Variants in GRID1 observed in about 807,000 individuals in gnomAD.
GRID1 encodes the protein glutamate ionotropic receptor delta type subunit 1.
Under a neutral mutation model 98.0 loss-of-function variants are expected in GRID1, and 28 were observed. That is an observed-to-expected ratio of 0.29 (90% CI 0.21 to 0.39). The LOEUF (loss-of-function observed/expected upper bound fraction) is 0.39, where lower values mean the gene tolerates loss of function less well. Among genes scored for constraint, GRID1 ranks in the 10% least tolerant of loss-of-function variants. The probability of loss-of-function intolerance (pLI) is 1.00; values close to 1 mark genes in which losing one functional copy is unlikely to be tolerated. For missense variants in GRID1, 1,111 were observed against 1,340.5 expected, an observed-to-expected ratio of 0.83 and a Z score of 2.67; for synonymous variants, 553 against 538.5, an observed-to-expected ratio of 1.03 and a Z score of -0.37.
chr10:85,724,002 C>T (rs890132569), intron 11 of GRID1, among the ~76,000 whole-genome samples: 4 of 151,930 alleles, frequency 2.6e-5, no homozygotes, highest in Non-Finnish European at 4.4e-5. Context: ...TTTTTTTTCC[C>T]CATTAAGTCA....
At chr10:86,236,114 T>C (rs1322709587) in intron 2 of GRID1, among the ~76,000 whole-genome samples, 1 of 152,224 alleles carries the variant, frequency 6.6e-6, no homozygotes, top group Admixed American at 6.5e-5. Flanking sequence ...TCTGATTATG[T>C]TTTGATTTGC....
intron 12 of GRID1, among the ~76,000 whole-genome samples, chr10:85,685,086 T>C (rs530997587): frequency 6.6e-6 from 1 of 152,274 alleles, no homozygotes; most frequent in South Asian, 2.1e-4. Context: ...GTACTGGAGG[T>C]ATTATTTCTT....
chr10:86,244,414 G>A (rs1051916508), intron 2 of GRID1, among the ~76,000 whole-genome samples: 7 of 152,246 alleles, frequency 4.6e-5, no homozygotes, highest in South Asian at 2.1e-4. Flanking sequence ...TAAGAGACAC[G>A]TGGATCTGAT....
At chr10:85,683,891 C>T (rs1431864038) in intron 12 of GRID1, among the ~76,000 whole-genome samples, 1 of 152,118 alleles carries the variant, frequency 6.6e-6, no homozygotes, top group Non-Finnish European at 1.5e-5. Context: ...AACTGCTCAT[C>T]TATTTTCTCT....
Position 86,365,296 on chromosome 10 carries a change from C to G in GRID1, c.79+1018G>C, listed in dbSNP as rs1848659824. Among the ~76,000 whole-genome samples the G allele has an allele frequency of 6.6e-6, 1 of 151,810 alleles. No individual in the cohort carries two copies. Among genetic ancestry groups the G allele is most frequent in the South Asian group, 2.1e-4 (1 of 4,796 alleles). On this transcript the variant is annotated intron_variant, in intron 1 of 15. Transcript: ENST00000327946. This position sits in a 1 kb window ranked among gnomAD's most constrained non-coding sequence, Gnocchi z 4.8. ...CCTCGCCTTCAACACCTCCCAACCC[C>G]CAGTTTCCCTGTGCTCGCTGGTCTT... is the stretch of plus-strand genomic sequence containing the variant.
intron 8 of GRID1, among the ~76,000 whole-genome samples, chr10:85,844,500 A>T (rs1284427213): frequency 1.3e-5 from 2 of 151,692 alleles, no homozygotes; most frequent in African/African-American, 2.4e-5. Flanking sequence ...TCTGAATGAG[A>T]TCCATAGCTT....
chr10:85,868,625 A>G (rs1318515514), intron 6 of GRID1, among the ~76,000 whole-genome samples: 1 of 152,192 alleles, frequency 6.6e-6, no homozygotes, highest in East Asian at 1.9e-4. Flanking sequence ...GGTCGTGTCT[A>G]TATTAACAAG....
At chr10:85,635,449 G>A (rs1398015362) in intron 13 of GRID1, among the ~76,000 whole-genome samples, 2 of 152,088 alleles carry the variant, frequency 1.3e-5, no homozygotes, top group Non-Finnish European at 2.9e-5. Context: ...TACTGCAAGT[G>A]GACCCCAGCA....
At chr10:85,998,796 AAAGT>A (rs1260628977) in intron 4 of GRID1, among the ~76,000 whole-genome samples, 1 of 152,248 alleles carries the variant, frequency 6.6e-6, no homozygotes, top group African/African-American at 2.4e-5. Context: ...CAATTTTAGA[AAAGT>A]AAGATAAAAC....
chr10:86,210,232 A>T (rs906470147), intron 2 of GRID1, among the ~76,000 whole-genome samples: 4 of 152,188 alleles, frequency 2.6e-5, no homozygotes, highest in African/African-American at 7.2e-5. Flanking sequence ...GCAGAGTGAC[A>T]AAGACATATA....
At chr10:86,148,673 AGCC>A (rs1845120081) in intron 3 of GRID1, among the ~76,000 whole-genome samples, 1 of 152,254 alleles carries the variant, frequency 6.6e-6, no homozygotes, top group Non-Finnish European at 1.5e-5. Flanking sequence ...ACCTTGAGTT[AGCC>A]ATTCCACAAT....
At chr10:85,891,932 T>G (rs144400623) in intron 5 of GRID1, among the ~76,000 whole-genome samples, 1 of 151,700 alleles carries the variant, frequency 6.6e-6, no homozygotes, top group Non-Finnish European at 1.5e-5. Context: ...CACCCAGAAA[T>G]AATGCAGATG....
At chr10:86,355,195 T>C (rs968558516) in intron 2 of GRID1, among the ~76,000 whole-genome samples, 19 of 152,208 alleles carry the variant, frequency 1.2e-4, no homozygotes, top group African/African-American at 4.6e-4. Flanking sequence ...GAAACCGAGG[T>C]TGCCCACCCA....
intron 2 of GRID1, among the ~76,000 whole-genome samples, chr10:86,334,211 C>T (rs972722257): frequency 6.6e-6 from 1 of 152,106 alleles, no homozygotes; most frequent in South Asian, 2.1e-4. Context: ...GAGCATAGCA[C>T]CTGCTCACAT....
At chr10:85,816,708 A>C (rs1201135573) in intron 8 of GRID1, among the ~76,000 whole-genome samples, 1 of 152,056 alleles carries the variant, frequency 6.6e-6, no homozygotes, top group African/African-American at 2.4e-5. Flanking sequence ...TTATTATTTT[A>C]ACGTTTATTT....
chr10:85,647,465 G>C, intron 12 of GRID1, 68 bp from the exon 13 acceptor site: 1 of 1,220,674 alleles, frequency 8.2e-7, no homozygotes, highest in Non-Finnish European at 1.2e-6. Flanking sequence ...GATACAAATG[G>C]GCTGCAAGGC....
intron 4 of GRID1, among the ~76,000 whole-genome samples, chr10:85,958,971 AAGAAAG>A (rs1334938096): frequency 2.7e-5 from 4 of 146,852 alleles, no homozygotes; most frequent in Admixed American, 1.4e-4. Flanking sequence ...AAAAAAAAAA[AAGAAAG>A]AAAGAAAGAA....
intron 8 of GRID1, among the ~76,000 whole-genome samples, chr10:85,795,228 G>A (rs1447959143): frequency 6.6e-6 from 1 of 152,140 alleles, no homozygotes; most frequent in African/African-American, 2.4e-5. Context: ...GCTTGTTCTT[G>A]AAATTGGAGG....
At chr10:86,212,727 T>C (rs1175729094) in intron 2 of GRID1, among the ~76,000 whole-genome samples, 3 of 152,264 alleles carry the variant, frequency 2.0e-5, no homozygotes, top group Non-Finnish European at 4.4e-5. Context: ...TTATTAATAT[T>C]TGAATTCCAA....
Sources: allele counts gnomAD v4.1 joint callset (sites outside exome capture counted in the v4.1 genomes callset), GRCh38; gene constraint gnomAD v4.1.1; non-coding constraint Gnocchi (gnomAD v3.1); transcripts MANE v1.5; gene names NCBI Gene and HGNC (gene_info 2026-07-23, HGNC 2026-07-21).